The following ATF7 variants were observed in gnomAD, a reference collection of about 807,000 sequenced individuals.
ATF7 encodes activating transcription factor 7.
Under a neutral mutation model 50.4 loss-of-function variants are expected in ATF7, and 10 were observed. The observed-to-expected ratio is 0.20, with a 90% CI of 0.12 to 0.34. The LOEUF is 0.34. Ranked by LOEUF, ATF7 falls within the 10% of genes least tolerant of loss-of-function variation. ATF7 has a pLI of 1.00. For missense variants in ATF7, 465 were observed against 613.9 expected, an observed-to-expected ratio of 0.76 and a Z score of 2.56; for synonymous variants, 201 against 226.4, an observed-to-expected ratio of 0.89 and a Z score of 1.01.
chr12:53,616,278 A>C (rs2137913148), intron 1 of ATF7, among the ~76,000 whole-genome samples: 1 of 152,262 alleles, frequency 6.6e-6, no homozygotes, highest in East Asian at 1.9e-4. Context: ...GCTAGAGTGC[A>C]GTGGCGTGAT....
At chr12:53,566,244 CAATT>C (rs1941439182) in intron 2 of ATF7, among the ~76,000 whole-genome samples, 5 of 152,140 alleles carry the variant, frequency 3.3e-5, no homozygotes, top group Non-Finnish European at 5.9e-5. Flanking sequence ...AGACTGTTGT[CAATT>C]AATGCCTTGT....
Position 53,612,918 on chromosome 12 carries a change from C to T in ATF7, c.-21-11897G>A, listed in dbSNP as rs140018898. Among the ~76,000 whole-genome samples the T allele has an allele frequency of 1.0e-2, 1,515 of 152,152 alleles. 23 individuals are homozygous for T. The highest frequency in any genetic ancestry group is 0.035 in the African/African-American group (1,446 of 41,490). On this transcript the variant is annotated intron_variant, in intron 1 of 11. Transcript: ENST00000420353. ...ACTCGGGAGGCTGAGGCACAAAAAT[C>T]GCTTGAACCTGGGAGGCAGAGGTTG...
chr12:53,608,389 T>A (rs903911443), intron 1 of ATF7, among the ~76,000 whole-genome samples: 2 of 152,006 alleles, frequency 1.3e-5, no homozygotes, highest in African/African-American at 4.8e-5. Flanking sequence ...CCATAAAAAA[T>A]TCTAAAGTTA....
At chr12:53,511,227 A>G (rs1477589893), downstream of ATF7, among the ~76,000 whole-genome samples, 1 of 152,162 alleles carries the variant, frequency 6.6e-6, no homozygotes, top group Admixed American at 6.5e-5. Flanking sequence ...GTCTCTGAGC[A>G]TTACCTGTTT....
Position 53,587,852 on chromosome 12 carries a change from T to A in ATF7, c.48+13101A>T, listed in dbSNP as rs1457774437. Among the ~76,000 whole-genome samples the A allele has an allele frequency of 8.6e-4, 115 of 133,048 alleles. No homozygotes were observed. The East Asian group carries it at 0.012, about 14-fold the overall frequency. The allele number at this position is 133,048 out of a possible 152,430, so 87.3% of individuals were successfully genotyped here. On this transcript the variant is annotated intron_variant, in intron 2 of 11. Transcript: ENST00000420353. ...ATATATATATATATATATTTTTTTT[T>A]TTTTTTCTTTTTGACACGAAGTCTT...
chr12:53,521,150 G>A lies in ATF7; in HGVS notation c.1234+2126C>T, dbSNP rs552959447. On this transcript the variant is annotated intron_variant, in intron 11 of 11. Coordinates refer to ENST00000420353, the MANE Select transcript of ATF7 (RefSeq NM_006856.3). ...TGGGATTACAGGCGCATGCCACCACGCCCAGCTAATTTTTTGTATTTTTAG... is the reference window on the plus strand; with the variant it reads ...TGGGATTACAGGCGCATGCCACCACACCCAGCTAATTTTTTGTATTTTTAG... Among the ~76,000 whole-genome samples the A allele has an allele frequency of 9.9e-5, 15 of 152,158 alleles. No individual in the cohort carries two copies. The East Asian group carries it at 1.4e-3, about 14-fold the overall frequency.
intron 6 of ATF7, 117 bp downstream of exon 6, chr12:53,534,385 T>G: frequency 7.0e-7 from 1 of 1,436,416 alleles, no homozygotes; most frequent in Non-Finnish European, 9.8e-7. Flanking sequence ...TTTTGAGAGA[T>G]AATCTCAGTG....
At chr12:53,542,107 G>GTTTTGTTTTTT (rs1209912279) in intron 4 of ATF7, among the ~76,000 whole-genome samples, 11 of 101,450 alleles carry the variant, frequency 1.1e-4, no homozygotes, top group South Asian at 4.0e-4. Flanking sequence ...CGCCTGGCCT[G>GTTTTGTTTTTT]TTTTTTTTTT....
Position 53,603,343 on chromosome 12 carries a change from CT to C in ATF7, c.-21-2323del, listed in dbSNP as rs1486054802. On this transcript the variant is annotated intron_variant, in intron 1 of 11. Transcript: ENST00000420353. ...CTTCCAAATTTTATTTAGTGGCACA[CT>C]TACTAGAAAATAGAGATGAAAAATC... 2.6e-5 allele frequency among the ~76,000 whole-genome samples: 4 copies of C among 151,580 alleles called. No homozygotes were observed. In the East Asian group the frequency reaches 7.8e-4, roughly 29 times the overall value.
intron 2 of ATF7, among the ~76,000 whole-genome samples, chr12:53,569,826 G>A (rs1941650125): frequency 1.3e-5 from 2 of 152,084 alleles, no homozygotes; most frequent in Non-Finnish European, 2.9e-5. Context: ...CCACAAGCAT[G>A]TGCCACCATG....
At chr12:53,533,303 G>T in intron 6 of ATF7, 44 bp from the exon 7 acceptor site, 1 of 1,463,798 alleles carries the variant, frequency 6.8e-7, no homozygotes, top group African/African-American at 1.4e-5. Flanking sequence ...CAGACCTTTT[G>T]TCCATGGATC....
rs1265716890 is a variant in ATF7 at position 53,513,543 on chromosome 12, T to C, written c.*3594A>G. The C allele has an allele frequency of 6.6e-6, 1 of 151,984 alleles. No homozygotes were observed. The highest frequency in any genetic ancestry group is 2.4e-5 in the African/African-American group (1 of 41,352). 9.4% of individuals were successfully genotyped at this position (151,984 alleles called of 1,614,324 possible). A position where few individuals can be genotyped will look rare whatever the true frequency, so the allele number is the denominator to read the frequency against. ...AGAAAGAGCATATCAACAAGGCATATGTGATATAGCTAGGAAGACTGGAAT... is the reference window on the plus strand; with the variant it reads ...AGAAAGAGCATATCAACAAGGCATACGTGATATAGCTAGGAAGACTGGAAT... On this transcript the variant is annotated 3_prime_UTR_variant, in exon 12 of 12. Transcript: ENST00000420353.
At chr12:53,539,937 G>C (rs1240524597) in intron 4 of ATF7, among the ~76,000 whole-genome samples, 1 of 151,944 alleles carries the variant, frequency 6.6e-6, no homozygotes, top group Non-Finnish European at 1.5e-5. Flanking sequence ...GGGTGTGGTG[G>C]TGAGTGCCTG....
chr12:53,610,213 G>T (rs1020770550), intron 1 of ATF7, among the ~76,000 whole-genome samples: 7 of 151,998 alleles, frequency 4.6e-5, no homozygotes, highest in Non-Finnish European at 7.4e-5. Flanking sequence ...AGACAAAAAA[G>T]GTCAAGGGGT....
intron 2 of ATF7, among the ~76,000 whole-genome samples, chr12:53,570,734 T>C (rs1201670561): frequency 3.2e-5 from 3 of 94,242 alleles, no homozygotes; most frequent in Non-Finnish European, 6.7e-5. Context: ...TTCTCCTGTG[T>C]GCGTGTGTGT....
chr12:53,556,609 G>A (rs527448398), intron 2 of ATF7, among the ~76,000 whole-genome samples: 148 of 152,180 alleles, frequency 9.7e-4, no homozygotes, highest in African/African-American at 3.5e-3. Flanking sequence ...AAAAAACAAC[G>A]AAAAAAACCA....
chr12:53,531,804 G>C lies in ATF7; in HGVS notation c.867C>G (p.Arg289=). The change falls in exon 9 of 12, where the codon CGC becomes CGG. Residue 289 remains arginine (R), a synonymous_variant. Transcript: ENST00000420353. Reference sequence around the variant, plus strand: ...GGATGAGAATCTGGCTCTGCTCTGGGCGGGCTGTCACCATGGTGCTGGCAG... The same window carrying C: ...GGATGAGAATCTGGCTCTGCTCTGGCCGGGCTGTCACCATGGTGCTGGCAG... ...VGTASTMVTA[R]PEQSQILIQH... 6.2e-7 allele frequency: 1 copy of C among 1,612,900 alleles called. No homozygotes were observed. Among genetic ancestry groups the C allele is most frequent in the East Asian group, 2.2e-5 (1 of 44,880 alleles).
chr12:53,550,783 T>C (rs1043995619), intron 3 of ATF7, among the ~76,000 whole-genome samples: 3 of 152,174 alleles, frequency 2.0e-5, no homozygotes, highest in African/African-American at 7.2e-5. Flanking sequence ...ATTACCAGCG[T>C]AGATATATGA....
At chr12:53,529,984 C>T (rs1348768075) in intron 9 of ATF7, among the ~76,000 whole-genome samples, 4 of 150,984 alleles carry the variant, frequency 2.6e-5, no homozygotes, top group Admixed American at 6.6e-5. Context: ...CCTTGTGATC[C>T]GCCCACCTCG....
Sources: allele counts gnomAD v4.1 joint callset (sites outside exome capture counted in the v4.1 genomes callset), GRCh38; gene constraint gnomAD v4.1.1; transcripts MANE v1.5; gene names NCBI Gene and HGNC (gene_info 2026-07-23, HGNC 2026-07-21).